Variants in SPAG16 observed in about 807,000 individuals in gnomAD.
SPAG16 encodes sperm associated antigen 16.
A neutral mutation model predicts 80.4 loss-of-function variants in SPAG16; 86 were observed. The observed-to-expected ratio is 1.07, with a 90% CI of 0.90 to 1.28. The LOEUF is 1.28. SPAG16 is among the 50% of genes most tolerant of loss of function. SPAG16 has a pLI of 0.00. For synonymous variants in SPAG16, 294 were observed against 265.9 expected (o/e 1.11, Z -1.03); for missense variants, 870 against 765.3 (o/e 1.14, Z -1.61).
chr2:213,304,952 A>G (rs923320178), intron 3 of SPAG16, among the ~76,000 whole-genome samples: 1 of 152,138 alleles, frequency 6.6e-6, no homozygotes, highest in Non-Finnish European at 1.5e-5. Flanking sequence ...CTGAATTTGT[A>G]AATTGCTTTG....
intron 10 of SPAG16, among the ~76,000 whole-genome samples, chr2:213,582,635 C>T (rs988144044): frequency 3.3e-5 from 5 of 152,056 alleles, no homozygotes; most frequent in Admixed American, 3.3e-4. Context: ...GCACTCTGTG[C>T]GTAGGATGGC....
At chr2:214,358,373 C>A (rs1018694715) in intron 15 of SPAG16, among the ~76,000 whole-genome samples, 3 of 151,874 alleles carry the variant, frequency 2.0e-5, no homozygotes, top group South Asian at 2.1e-4. Context: ...TTTAGTGATA[C>A]CTTATCTTTA....
At chr2:214,157,260 T>C (rs2056256379) in intron 15 of SPAG16, among the ~76,000 whole-genome samples, 1 of 152,142 alleles carries the variant, frequency 6.6e-6, no homozygotes, top group Non-Finnish European at 1.5e-5. Flanking sequence ...TTTTAAAGTT[T>C]TAAGAGATTT....
intron 15 of SPAG16, among the ~76,000 whole-genome samples, chr2:214,271,732 G>T (rs151249037): frequency 6.6e-6 from 1 of 151,960 alleles, no homozygotes; most frequent in South Asian, 2.1e-4. Flanking sequence ...CCTGGGAGGC[G>T]GAGATTGCAG....
At chr2:213,722,925 A>G (rs571178085) in intron 10 of SPAG16, among the ~76,000 whole-genome samples, 15 of 152,294 alleles carry the variant, frequency 9.8e-5, no homozygotes, top group South Asian at 4.1e-4. Context: ...AAGGGCATCA[A>G]TTTCACTTAT....
intron 6 of SPAG16, among the ~76,000 whole-genome samples, chr2:213,347,964 C>T (rs1424553303): frequency 6.6e-6 from 1 of 152,122 alleles, no homozygotes; most frequent in Non-Finnish European, 1.5e-5. Context: ...TCTCGTTGAT[C>T]TGTCTAATGT....
rs758251917 is a variant in SPAG16 at position 214,210,494 on chromosome 2, G to A, written c.1720+61228G>A. 2.0e-5 allele frequency among the ~76,000 whole-genome samples: 3 copies of A among 152,162 alleles called. No individual in the cohort carries two copies. In the South Asian group the frequency reaches 6.2e-4, roughly 32 times the overall value. On this transcript the variant is annotated intron_variant, in intron 15 of 15. Transcript: ENST00000331683. Reference sequence around the variant, plus strand: ...AGATATTAGTAGTCAAGTTTCTGTGGAGTCAAAATTTATGTGTGGATTTTC... The same window carrying A: ...AGATATTAGTAGTCAAGTTTCTGTGAAGTCAAAATTTATGTGTGGATTTTC...
intron 15 of SPAG16, among the ~76,000 whole-genome samples, chr2:214,270,692 G>T (rs1412397874): frequency 6.6e-6 from 1 of 152,024 alleles, no homozygotes; most frequent in Non-Finnish European, 1.5e-5. Context: ...TGCCTGAAAT[G>T]CATATGCTTG....
intron 10 of SPAG16, among the ~76,000 whole-genome samples, chr2:213,742,943 G>T (rs769775003): frequency 2.0e-5 from 3 of 151,346 alleles, no homozygotes; most frequent in African/African-American, 7.3e-5. Flanking sequence ...TCGCTCTGTC[G>T]CCCAGGCTGG....
chr2:214,128,589 G>C (rs1394397226), intron 14 of SPAG16, among the ~76,000 whole-genome samples: 6 of 151,702 alleles, frequency 4.0e-5, no homozygotes, highest in Non-Finnish European at 8.8e-5. Context: ...TCTTTAATCT[G>C]ATTTACATAT....
At chr2:214,164,227 T>G (rs900806792) in intron 15 of SPAG16, among the ~76,000 whole-genome samples, 7 of 152,022 alleles carry the variant, frequency 4.6e-5, no homozygotes, top group Non-Finnish European at 8.8e-5. Context: ...GAATGGGAGG[T>G]GGATGATAAA....
intron 11 of SPAG16, among the ~76,000 whole-genome samples, chr2:213,901,500 A>G (rs10206525): frequency 0.94 from 143,284 of 152,198 alleles, 68,067 homozygotes; most frequent in East Asian, 1. Flanking sequence ...TTGTAGTGAA[A>G]AGGAATAATA....
intron 10 of SPAG16, among the ~76,000 whole-genome samples, chr2:213,540,711 G>C (rs2076415785): frequency 6.6e-6 from 1 of 152,214 alleles, no homozygotes; most frequent in African/African-American, 2.4e-5. Flanking sequence ...GGAGAAGTTG[G>C]AGAATGTTCA....
chr2:213,344,493 A>G lies in SPAG16; in HGVS notation c.644+4223A>G, dbSNP rs1485525461. ...TGCTGCACCCATTAACTCATCAGTT[A>G]ACATTAGGTATATCTCCTAATGCTA... On this transcript the variant is annotated intron_variant, in intron 6 of 15. Coordinates refer to ENST00000331683, the MANE Select transcript of SPAG16 (RefSeq NM_024532.5). 2.6e-5 allele frequency among the ~76,000 whole-genome samples: 4 copies of G among 152,020 alleles called. No homozygotes were observed. The East Asian group carries it at 7.7e-4, about 29-fold the overall frequency.
rs959464594 is a variant in SPAG16, at chr2:213,877,463, C to T, written c.1214+14835C>T. ...AAGCTGGGACCACAGTCACACGCTA[C>T]CACACCCAACTAATTAAAAAATCAT... On this transcript the variant is annotated intron_variant, in intron 11 of 15. Transcript: ENST00000331683. Among the ~76,000 whole-genome samples the T allele has an allele frequency of 5.9e-5, 9 of 152,196 alleles. No homozygotes were observed. The South Asian group carries it at 1.9e-3, about 32-fold the overall frequency.
intron 11 of SPAG16, among the ~76,000 whole-genome samples, chr2:213,921,234 T>G (rs1420552533): frequency 6.6e-6 from 1 of 152,226 alleles, no homozygotes; most frequent in Non-Finnish European, 1.5e-5. Context: ...TCAGGTCTTC[T>G]TGTTGAATTG....
chr2:213,369,044 C>T (rs1441124249), intron 8 of SPAG16, among the ~76,000 whole-genome samples: 2 of 152,036 alleles, frequency 1.3e-5, no homozygotes, highest in African/African-American at 2.4e-5. Flanking sequence ...ATAGGAAATA[C>T]TGGAGGCTAG....
intron 13 of SPAG16, among the ~76,000 whole-genome samples, chr2:214,060,538 T>A (rs561685735): frequency 2.8e-4 from 42 of 152,178 alleles, no homozygotes; most frequent in African/African-American, 9.9e-4. Flanking sequence ...ACCATAAATC[T>A]CTTGGAATGG....
chr2:213,516,871 ATGATAATTGATTT>A (rs2075444635), intron 10 of SPAG16, among the ~76,000 whole-genome samples: 1 of 152,218 alleles, frequency 6.6e-6, no homozygotes, highest in African/African-American at 2.4e-5. Flanking sequence ...AAGTTTCAAG[ATGATAATTGATTT>A]TCATATTAAT....
Sources: allele counts gnomAD v4.1 joint callset (sites outside exome capture counted in the v4.1 genomes callset), GRCh38; gene constraint gnomAD v4.1.1; transcripts MANE v1.5; gene names NCBI Gene and HGNC (gene_info 2026-07-23, HGNC 2026-07-21).